The following TMEM132B variants were observed in gnomAD, a reference collection of about 807,000 sequenced individuals.
TMEM132B encodes transmembrane protein 132B.
TMEM132B carries 18 observed loss-of-function variants against 90.8 expected under a neutral mutation model. That is an observed-to-expected ratio of 0.20 (90% confidence interval 0.14 to 0.29). The LOEUF (loss-of-function observed/expected upper bound fraction) is 0.29. TMEM132B is among the 10% of genes least tolerant of loss of function. The pLI is 1.00. For missense variants in TMEM132B, 1,096 were observed against 1,326.8 expected (o/e 0.83, Z 2.70); for synonymous variants, 504 against 523.3 (o/e 0.96, Z 0.50).
chr12:125,530,232 A>AT (rs1224166175), intron 4 of TMEM132B, among the ~76,000 whole-genome samples: 1 of 139,478 alleles, frequency 7.2e-6, no homozygotes, highest in Admixed American at 7.1e-5. Context: ...GTTATTCCAT[A>AT]GTTTTTTTTT....
chr12:125,529,295 C>T (rs1162198037), intron 4 of TMEM132B, among the ~76,000 whole-genome samples: 2 of 152,122 alleles, frequency 1.3e-5, no homozygotes, highest in East Asian at 3.9e-4. Context: ...TGAGGTCTCA[C>T]CATGTTGCTC....
chr12:125,268,537 C>G (rs1287605261), intron 1 of TMEM132B, among the ~76,000 whole-genome samples: 1 of 152,150 alleles, frequency 6.6e-6, no homozygotes, highest in Non-Finnish European at 1.5e-5. Flanking sequence ...TAAAAGATTG[C>G]TAAGTGAAAA....
rs900218322 is a variant in TMEM132B, at chr12:125,492,638, C to A, written c.1107-26801C>A. On this transcript the variant is annotated intron_variant, in intron 3 of 8. Transcript: ENST00000682704. The surrounding 1 kb of genome is among the most constrained non-coding windows in gnomAD (Gnocchi z 5.8). ...CAGCCTCGGGTCCCAGCAGGGCAGG[C>A]ATGGGGTCTGAGAGGGGCAGGAAGG... Among the ~76,000 whole-genome samples the A allele has an allele frequency of 6.6e-6, 1 of 152,070 alleles. No individual in the cohort carries two copies. The highest frequency in any genetic ancestry group is 2.4e-5 in the African/African-American group (1 of 41,412).
At chr12:125,434,739 G>GT in intron 3 of TMEM132B, among the ~76,000 whole-genome samples, 1 of 152,328 alleles carries the variant, frequency 6.6e-6, no homozygotes. Flanking sequence ...TAATCTCTGT[G>GT]TTTTTTCACC....
chr12:125,570,959 G>A (rs1431512078), intron 4 of TMEM132B, among the ~76,000 whole-genome samples: 2 of 152,174 alleles, frequency 1.3e-5, no homozygotes, highest in African/African-American at 4.8e-5. Flanking sequence ...GAAGTCACAC[G>A]TGGTTGTGAC....
intron 1 of TMEM132B, among the ~76,000 whole-genome samples, chr12:125,317,684 T>C (rs763821343): frequency 2.6e-5 from 4 of 152,184 alleles, no homozygotes; most frequent in Non-Finnish European, 5.9e-5. Context: ...CCTCCAGGGC[T>C]GGGCTTTCAC....
chr12:125,429,495 C>T (rs390907), intron 3 of TMEM132B, among the ~76,000 whole-genome samples: 115,388 of 152,024 alleles, frequency 0.76, 45,009 homozygotes, highest in East Asian at 0.97. Context: ...TGTGAGCCAC[C>T]GTGCCCGGCC....
intron 5 of TMEM132B, among the ~76,000 whole-genome samples, chr12:125,618,967 A>G (rs1166522474): frequency 6.6e-6 from 1 of 152,206 alleles, no homozygotes; most frequent in Non-Finnish European, 1.5e-5. Context: ...TCTATAAGGA[A>G]GTAAGGCAGT....
At chr12:125,255,436 C>CTGT (rs1874418087) in intron 1 of TMEM132B, among the ~76,000 whole-genome samples, 1 of 152,204 alleles carries the variant, frequency 6.6e-6, no homozygotes, top group African/African-American at 2.4e-5. Context: ...GTCTTTGATT[C>CTGT]TGTTCAAGGT....
chr12:125,528,054 G>A (rs757575893), intron 4 of TMEM132B, among the ~76,000 whole-genome samples: 1 of 152,184 alleles, frequency 6.6e-6, no homozygotes, highest in African/African-American at 2.4e-5. Flanking sequence ...GGTGACAGTG[G>A]TGCTTTCTGC....
At chr12:125,320,734 C>T (rs1471845769) in intron 1 of TMEM132B, among the ~76,000 whole-genome samples, 1 of 152,152 alleles carries the variant, frequency 6.6e-6, no homozygotes, top group East Asian at 1.9e-4. Context: ...ACACCACGCA[C>T]CATAGGGACA....
intron 4 of TMEM132B, among the ~76,000 whole-genome samples, chr12:125,540,833 G>A (rs1039810209): frequency 2.6e-5 from 4 of 152,166 alleles, no homozygotes; most frequent in South Asian, 4.1e-4. Flanking sequence ...TTAGAAAAAC[G>A]TCTGAAATCC....
chr12:125,202,479 TG>T (rs1873084106), intron 1 of TMEM132B, among the ~76,000 whole-genome samples: 1 of 152,258 alleles, frequency 6.6e-6, no homozygotes, highest in Non-Finnish European at 1.5e-5. Flanking sequence ...GATCTGCTGC[TG>T]TGCTCACATG....
intron 3 of TMEM132B, among the ~76,000 whole-genome samples, chr12:125,424,432 C>A (rs1306341993): frequency 6.6e-6 from 1 of 152,174 alleles, no homozygotes; most frequent in Non-Finnish European, 1.5e-5. Context: ...TTCTTATGGG[C>A]ATAATTTGCA....
chr12:125,345,020 G>T (rs1402066227), intron 1 of TMEM132B, among the ~76,000 whole-genome samples: 4 of 152,164 alleles, frequency 2.6e-5, no homozygotes, highest in African/African-American at 9.7e-5. Context: ...CATGAAATCA[G>T]TAAGGGTTGT....
intron 3 of TMEM132B, among the ~76,000 whole-genome samples, chr12:125,439,450 C>T (rs548246250): frequency 1.3e-5 from 2 of 152,184 alleles, no homozygotes; most frequent in East Asian, 3.9e-4. Context: ...GGACTGTGTT[C>T]CTGATTTGGC....
At chr12:125,612,528 AT>A (rs148630858) in intron 5 of TMEM132B, among the ~76,000 whole-genome samples, 51,324 of 146,964 alleles carry the variant, frequency 0.35, 9,119 homozygotes, top group African/African-American at 0.4. Flanking sequence ...GTGTGTATTT[AT>A]TTTGTACAAC....
intron 4 of TMEM132B, among the ~76,000 whole-genome samples, chr12:125,535,763 A>G (rs1203927460): frequency 6.6e-6 from 1 of 152,104 alleles, no homozygotes; most frequent in Non-Finnish European, 1.5e-5. Context: ...CTCCAGAACC[A>G]CCTTTGATTC....
chr12:125,331,804 A>C (rs1458363193), intron 1 of TMEM132B, among the ~76,000 whole-genome samples: 1 of 152,136 alleles, frequency 6.6e-6, no homozygotes, highest in Non-Finnish European at 1.5e-5. Flanking sequence ...CCCAGGCTGG[A>C]GTGTAGTGGT....
Sources: allele counts gnomAD v4.1 joint callset (sites outside exome capture counted in the v4.1 genomes callset), GRCh38; gene constraint gnomAD v4.1.1; non-coding constraint Gnocchi (gnomAD v3.1); transcripts MANE v1.5; gene names NCBI Gene and HGNC (gene_info 2026-07-23, HGNC 2026-07-21).